The following PLCH1 variants were observed in gnomAD, a reference collection of about 807,000 sequenced individuals.
PLCH1 encodes 1-phosphatidylinositol 4,5-bisphosphate phosphodiesterase eta-1.
PLCH1 carries 60 observed loss-of-function variants against 126.7 expected under a neutral mutation model. That is an observed-to-expected ratio of 0.47 (90% CI 0.38 to 0.59). PLCH1 has a LOEUF of 0.59. Among genes scored for constraint, PLCH1 ranks in the 20% least tolerant of loss-of-function variants. The probability of loss-of-function intolerance (pLI) is 0.00; values close to 1 mark genes in which losing one functional copy is unlikely to be tolerated. For missense variants in PLCH1, 1,723 were observed against 2,040.0 expected (o/e 0.84, Z 2.99); for synonymous variants, 719 against 734.9 (o/e 0.98, Z 0.35).
chr3:155,571,447 G>A (rs1488063763), intron 6 of PLCH1, among the ~76,000 whole-genome samples: 1 of 152,102 alleles, frequency 6.6e-6, no homozygotes. Context: ...GTCTTGCCCT[G>A]TCACCCAGGC....
chr3:155,591,911 GC>G (rs1346918064), intron 4 of PLCH1, among the ~76,000 whole-genome samples: 2 of 151,956 alleles, frequency 1.3e-5, no homozygotes, highest in African/African-American at 4.8e-5. Context: ...TCACTATTTT[GC>G]CGAGACTGGT....
intron 2 of PLCH1, among the ~76,000 whole-genome samples, chr3:155,698,254 AT>A (rs1419075805): frequency 1.3e-5 from 2 of 152,252 alleles, no homozygotes; most frequent in Non-Finnish European, 2.9e-5. Flanking sequence ...GACCAAAAAA[AT>A]GAAAGAACTT....
intron 6 of PLCH1, among the ~76,000 whole-genome samples, chr3:155,571,688 C>G (rs765601137): frequency 2.0e-5 from 3 of 152,156 alleles, no homozygotes; most frequent in Non-Finnish European, 4.4e-5. Flanking sequence ...TGTGAGCCAC[C>G]GCACCCGGCC....
At chr3:155,540,480 A>G (rs564158255) in intron 10 of PLCH1, among the ~76,000 whole-genome samples, 1 of 152,286 alleles carries the variant, frequency 6.6e-6, no homozygotes, top group South Asian at 2.1e-4. Context: ...GAGAATCTTC[A>G]CAAACTATGT....
chr3:155,526,825 A>G (rs1015879691), intron 10 of PLCH1, among the ~76,000 whole-genome samples: 11 of 152,210 alleles, frequency 7.2e-5, no homozygotes, highest in African/African-American at 2.7e-4. Flanking sequence ...TGTTGGGGTA[A>G]TTTGCTATGC....
intron 2 of PLCH1, among the ~76,000 whole-genome samples, chr3:155,694,222 C>T (rs1559941763): frequency 6.6e-6 from 1 of 152,068 alleles, no homozygotes. Flanking sequence ...ATTGGCTGCC[C>T]ACTAGAATCA....
At chr3:155,467,380 C>G (rs1365268133) in intron 21 of PLCH1, among the ~76,000 whole-genome samples, 1 of 152,080 alleles carries the variant, frequency 6.6e-6, no homozygotes, top group Admixed American at 6.5e-5. Context: ...TCGAGACCAG[C>G]CTGGCCAACA....
intron 2 of PLCH1, among the ~76,000 whole-genome samples, chr3:155,699,014 C>T (rs2109066200): frequency 1.4e-5 from 2 of 147,982 alleles, no homozygotes; most frequent in African/African-American, 2.5e-5. Context: ...CTCTTCCTCT[C>T]AATTTGTCTT....
intron 2 of PLCH1, chr3:155,676,050 AC>A: frequency 6.6e-7 from 1 of 1,524,412 alleles, no homozygotes; most frequent in Non-Finnish European, 8.8e-7. Flanking sequence ...TAAATTTAAT[AC>A]TATTACACAT....
At chr3:155,522,963 C>CGGGGGGG (rs547629056) in intron 11 of PLCH1, among the ~76,000 whole-genome samples, 3 of 42,770 alleles carry the variant, frequency 7.0e-5, no homozygotes, top group African/African-American at 1.2e-4. Context: ...TCTTTTTTTG[C>CGGGGGGG]GGGGGGGGTG....
At chr3:155,492,999 T>TC in intron 17 of PLCH1, 146 bp from the exon 18 acceptor site, 3 of 697,338 alleles carry the variant, frequency 4.3e-6, no homozygotes, top group Non-Finnish European at 6.3e-6. Flanking sequence ...AGCTGTGGTT[T>TC]TCATTAGAAA....
At chr3:155,549,720 A>T (rs1576987299) in intron 10 of PLCH1, 67 bp downstream of exon 10, 1 of 1,111,576 alleles carries the variant, frequency 9.0e-7, no homozygotes, top group East Asian at 2.4e-5. Flanking sequence ...ACCCATTTTT[A>T]TTCTTTAAGG....
At chr3:155,471,550 T>C (rs1378011969) in intron 21 of PLCH1, among the ~76,000 whole-genome samples, 1 of 146,250 alleles carries the variant, frequency 6.8e-6, no homozygotes, top group Non-Finnish European at 1.5e-5. Flanking sequence ...TACCCAGGAA[T>C]TGAACTCAGC....
chr3:155,511,933 G>A (rs552851513), intron 12 of PLCH1, among the ~76,000 whole-genome samples: 11 of 152,188 alleles, frequency 7.2e-5, no homozygotes, highest in Admixed American at 4.6e-4. Flanking sequence ...GGGCAATGGC[G>A]GGCGCCCCTC....
intron 21 of PLCH1, among the ~76,000 whole-genome samples, chr3:155,467,409 A>G (rs1712972478): frequency 6.6e-6 from 1 of 152,104 alleles, no homozygotes; most frequent in African/African-American, 2.4e-5. Flanking sequence ...CCCCATCTCT[A>G]CTGAAAATAC....
chr3:155,532,778 T>C (rs1168515217), intron 10 of PLCH1, among the ~76,000 whole-genome samples: 1 of 152,206 alleles, frequency 6.6e-6, no homozygotes, highest in Non-Finnish European at 1.5e-5. Context: ...CCTCTATAAT[T>C]ACCCAGTCTC....
At chr3:155,712,565 G>A (rs1238150935) in intron 1 of PLCH1, among the ~76,000 whole-genome samples, 1 of 149,516 alleles carries the variant, frequency 6.7e-6, no homozygotes, top group Non-Finnish European at 1.5e-5. Flanking sequence ...GAAAAAAAAA[G>A]GTAAATCTTT....
Position 155,479,955 on chromosome 3 carries a change from A to C in PLCH1, c.*1013T>G, listed in dbSNP as rs1326209255. The C allele has an allele frequency of 1.3e-5, 2 of 152,586 alleles. No homozygotes were observed. The highest frequency in any genetic ancestry group is 4.8e-5 in the African/African-American group (2 of 41,454). The allele number at this position is 152,586 out of a possible 1,614,324, so 9.5% of individuals were successfully genotyped here. A position where few individuals can be genotyped will look rare whatever the true frequency, so the allele number is the denominator to read the frequency against. On this transcript the variant is annotated 3_prime_UTR_variant, in exon 23 of 23. Transcript: ENST00000460012. The stretch of plus-strand genomic sequence containing the variant: ...TCATTGCAGTTAATGTTACAAAAAA[A>C]AAAAACAAAGAGGGACATCTGAACA...
chr3:155,608,882 T>C (rs941017796), intron 2 of PLCH1, among the ~76,000 whole-genome samples: 2 of 152,198 alleles, frequency 1.3e-5, no homozygotes, highest in South Asian at 4.1e-4. Context: ...ATCCTCTTTC[T>C]ACTACAGCAG....
Sources: allele counts gnomAD v4.1 joint callset (sites outside exome capture counted in the v4.1 genomes callset), GRCh38; gene constraint gnomAD v4.1.1; transcripts MANE v1.5; gene names NCBI Gene and HGNC (gene_info 2026-07-23, HGNC 2026-07-21).